The following KCNAB1 variants were observed in gnomAD, a reference collection of about 807,000 sequenced individuals.
KCNAB1 encodes the protein voltage-gated potassium channel subunit beta-1.
KCNAB1 carries 35 observed loss-of-function variants against 64.6 expected under a neutral mutation model. The observed-to-expected ratio is 0.54, with a 90% CI of 0.41 to 0.72. The LOEUF (loss-of-function observed/expected upper bound fraction) is 0.72, where lower values mean the gene tolerates loss of function less well. Among genes scored for constraint, KCNAB1 ranks in the 30% least tolerant of loss-of-function variants. The probability of loss-of-function intolerance (pLI) is 0.00; values close to 1 mark genes in which losing one functional copy is unlikely to be tolerated. For synonymous variants in KCNAB1, 177 were observed against 183.8 expected (o/e 0.96, Z 0.30); for missense variants, 401 against 512.9 (o/e 0.78, Z 2.11).
At chr3:156,183,174 A>C (rs138143974) in intron 1 of KCNAB1, among the ~76,000 whole-genome samples, 249 of 152,248 alleles carry the variant, frequency 1.6e-3, no homozygotes, top group Middle Eastern at 6.8e-3. Context: ...AGGAGCGCCC[A>C]CGACAAGGGG....
chr3:156,125,051 T>G (rs1037782539), intron 1 of KCNAB1, among the ~76,000 whole-genome samples: 2 of 151,834 alleles, frequency 1.3e-5, no homozygotes. Flanking sequence ...GGCAGAAGAA[T>G]TGCTTGAACC....
chr3:156,393,586 C>CA (rs1713205410), intron 1 of KCNAB1, among the ~76,000 whole-genome samples: 1 of 152,102 alleles, frequency 6.6e-6, no homozygotes, highest in African/African-American at 2.4e-5. Flanking sequence ...ATAGGGCAGG[C>CA]TTTTTCAACG....
At chr3:156,178,427 AAG>A (rs1464551515) in intron 1 of KCNAB1, among the ~76,000 whole-genome samples, 1 of 152,222 alleles carries the variant, frequency 6.6e-6, no homozygotes, top group African/African-American at 2.4e-5. Context: ...TAGTGGGGAA[AAG>A]AGAAGATGTA....
chr3:156,295,624 C>T (rs1186173679), intron 1 of KCNAB1, among the ~76,000 whole-genome samples: 1 of 152,194 alleles, frequency 6.6e-6, no homozygotes, highest in Non-Finnish European at 1.5e-5. Context: ...TCCAAAGCTA[C>T]TGTCAGCCCA....
chr3:156,156,502 A>G (rs190429469), intron 1 of KCNAB1, among the ~76,000 whole-genome samples: 1 of 152,382 alleles, frequency 6.6e-6, no homozygotes, highest in Non-Finnish European at 1.5e-5. Flanking sequence ...AGCTTAAACC[A>G]GAATGGAAAT....
At chr3:156,163,065 G>A (rs941674752) in intron 1 of KCNAB1, among the ~76,000 whole-genome samples, 1 of 152,302 alleles carries the variant, frequency 6.6e-6, no homozygotes, top group Non-Finnish European at 1.5e-5. Context: ...GTATTTGAAA[G>A]TAAGATTCAC....
intron 1 of KCNAB1, among the ~76,000 whole-genome samples, chr3:156,376,959 C>T (rs189391146): frequency 1.5e-3 from 224 of 152,112 alleles, no homozygotes; most frequent in Non-Finnish European, 2.6e-3. Context: ...GAGTGGGACT[C>T]TTATTTTGTG....
rs1713293361 is a variant in KCNAB1, at chr3:156,120,780, G to A, written c.169G>A (p.Ala57Thr). 2 of 1,614,232 alleles carry A rather than the reference G, an allele frequency of 1.2e-6. No homozygotes were observed. Among genetic ancestry groups the A allele is most frequent in the African/African-American group, 2.7e-5 (2 of 75,066 alleles). ...LSPSGESQLR[A>T]RQLALLREVE... ...TCCCTCAGGGGAAAGCCAGCTCAGG[G>A]CGCGTCAACTGGCTCTGCTGCGCGA... The change falls in exon 1 of 14, where the codon GCG (alanine) becomes ACG (threonine). Residue 57 changes from alanine (A) to threonine (T), a missense_variant. Transcript: ENST00000490337.
In KCNAB1 at chr3:156,270,480, A is replaced by T. The variant is rs1295196274; in HGVS notation, c.275+149594A>T. Among the ~76,000 whole-genome samples the T allele has an allele frequency of 3.3e-5, 5 of 152,094 alleles. No individual in the cohort carries two copies. In the East Asian group the frequency reaches 7.7e-4, roughly 23 times the overall value. On this transcript the variant is annotated intron_variant, in intron 1 of 13. Transcript: ENST00000490337. ...GTATGTTTTTAGATTTGAGGTTACCATAAGGCTTGCACTTAATATCTTATA... is the reference window on the plus strand; with the variant it reads ...GTATGTTTTTAGATTTGAGGTTACCTTAAGGCTTGCACTTAATATCTTATA...
intron 1 of KCNAB1, among the ~76,000 whole-genome samples, chr3:156,298,482 T>C (rs562988719): frequency 2.4e-4 from 36 of 152,340 alleles, no homozygotes; most frequent in African/African-American, 8.7e-4. Flanking sequence ...ACATTTCAAT[T>C]TATGGTAATT....
At chr3:156,167,349 G>C (rs1711648373) in intron 1 of KCNAB1, among the ~76,000 whole-genome samples, 1 of 152,178 alleles carries the variant, frequency 6.6e-6, no homozygotes, top group African/African-American at 2.4e-5. Flanking sequence ...TATGAGGCAT[G>C]AGCTGGTCCC....
intron 12 of KCNAB1, among the ~76,000 whole-genome samples, chr3:156,530,421 G>A (rs1238304640): frequency 1.3e-5 from 2 of 152,194 alleles, no homozygotes; most frequent in Non-Finnish European, 2.9e-5. Context: ...TACTAAGAGT[G>A]AGGGGGCAGG....
At chr3:156,516,144 A>T in intron 10 of KCNAB1, 126 bp from the exon 11 acceptor site, 1 of 627,620 alleles carries the variant, frequency 1.6e-6, no homozygotes, top group South Asian at 2.0e-5. Flanking sequence ...GCTGATATTA[A>T]CTCATTTATC....
chr3:156,483,208 C>T (rs1714957629), intron 8 of KCNAB1, among the ~76,000 whole-genome samples: 1 of 151,970 alleles, frequency 6.6e-6, no homozygotes. Context: ...AAAAGATGCC[C>T]GGGTCAGTAG....
intron 1 of KCNAB1, among the ~76,000 whole-genome samples, chr3:156,165,049 C>T (rs1407634582): frequency 8.6e-5 from 13 of 151,886 alleles, no homozygotes; most frequent in Admixed American, 7.9e-4. Flanking sequence ...GAGGCCGAGG[C>T]GGGCGGATCA....
intron 1 of KCNAB1, among the ~76,000 whole-genome samples, chr3:156,365,311 A>G (rs1053601134): frequency 6.6e-6 from 1 of 152,182 alleles, no homozygotes; most frequent in Non-Finnish European, 1.5e-5. Context: ...TAATGACGGA[A>G]CATGTGTAAG....
At chr3:156,353,877 GTCCAGCCCATGC>G (rs1725022818) in intron 1 of KCNAB1, among the ~76,000 whole-genome samples, 1 of 152,040 alleles carries the variant, frequency 6.6e-6, no homozygotes, top group South Asian at 2.1e-4. Context: ...GAGTTATTGG[GTCCAGCCCATGC>G]TCAAAGGGAA....
chr3:156,504,154 A>G (rs573060270), intron 8 of KCNAB1, among the ~76,000 whole-genome samples: 140 of 152,184 alleles, frequency 9.2e-4, no homozygotes, highest in Non-Finnish European at 1.7e-3. Context: ...AGTGAGATAA[A>G]TATGAGTATT....
At chr3:156,446,068 A>G (rs1711524694) in intron 2 of KCNAB1, 1 of 152,252 alleles carries the variant, frequency 6.6e-6, no homozygotes, top group African/African-American at 2.4e-5. Flanking sequence ...GCTTAGCAGC[A>G]CTGGACTCTG....
Sources: gnomAD v4.1 joint callset for allele counts (sites outside exome capture counted in the v4.1 genomes callset) on GRCh38, gnomAD v4.1.1 for gene constraint, MANE v1.5 for transcripts, NCBI Gene and HGNC (gene_info 2026-07-23, HGNC 2026-07-21) for gene names.